ATG7: variants seen among roughly 807,000 people sequenced by gnomAD.
ATG7 encodes autophagy related 7, also known as ubiquitin-like modifier-activating enzyme ATG7.
ATG7 carries 70 observed loss-of-function variants against 82.4 expected under a neutral mutation model. The ratio of observed to expected loss-of-function variants is 0.85; its 90% CI spans 0.70 to 1.04. The LOEUF is 1.04. Among genes scored for constraint, ATG7 ranks in the 50% least tolerant of loss-of-function variants. The pLI is 0.00. For missense variants in ATG7, 792 were observed against 864.3 expected, an observed-to-expected ratio of 0.92 and a Z score of 1.05; for synonymous variants, 287 against 313.0, an observed-to-expected ratio of 0.92 and a Z score of 0.88.
At chr3:11,301,010 G>A (rs1360637225) in intron 5 of ATG7, among the ~76,000 whole-genome samples, 1 of 152,114 alleles carries the variant, frequency 6.6e-6, no homozygotes, top group Non-Finnish European at 1.5e-5. Flanking sequence ...TATAGTATAA[G>A]AACAAAAGGC....
chr3:11,402,771 A>G (rs573213558), intron 19 of ATG7, among the ~76,000 whole-genome samples: 1 of 152,352 alleles, frequency 6.6e-6, no homozygotes, highest in Non-Finnish European at 1.5e-5. Context: ...TTATATTAAT[A>G]TAACACATTT....
intron 20 of ATG7, among the ~76,000 whole-genome samples, chr3:11,471,745 C>CTTTTTT (rs200590021): frequency 0.43 from 45,129 of 104,836 alleles, 11,343 homozygotes; most frequent in Non-Finnish European, 0.5. Flanking sequence ...TTTTAGATTT[C>CTTTTTT]TTTTTTTTTT....
chr3:11,574,779 C>CTGTGTGTGTGTG, the ATG7 span, among the ~76,000 whole-genome samples: 4 of 121,792 alleles, frequency 3.3e-5, no homozygotes, highest in African/African-American at 1.2e-4. Context: ...GTCAATTCAA[C>CTGTGTGTGTGTG]TATATATGTG....
At chr3:11,298,356 T>C (rs139272619) in intron 3 of ATG7, among the ~76,000 whole-genome samples, 2 of 152,272 alleles carry the variant, frequency 1.3e-5, no homozygotes, top group African/African-American at 4.8e-5. Flanking sequence ...GAATGGTGGG[T>C]GCAAGGTCCT....
intron 19 of ATG7, among the ~76,000 whole-genome samples, chr3:11,391,990 G>C (rs982960948): frequency 6.7e-6 from 1 of 149,966 alleles, no homozygotes; most frequent in Admixed American, 6.7e-5. Context: ...TAAATTTTTA[G>C]CAGCTTCGAG....
intron 9 of ATG7, among the ~76,000 whole-genome samples, chr3:11,328,284 G>A (rs1951155869): frequency 6.6e-6 from 1 of 152,156 alleles, no homozygotes; most frequent in African/African-American, 2.4e-5. Flanking sequence ...TTAAACTGTG[G>A]CTTGGAGGGT....
chr3:11,528,186 T>C (rs1414449865), intron 20 of ATG7, among the ~76,000 whole-genome samples: 1 of 152,246 alleles, frequency 6.6e-6, no homozygotes, highest in Non-Finnish European at 1.5e-5. Flanking sequence ...CAAGGTTTTC[T>C]GCACTGAATC....
downstream of ATG7, chr3:11,558,721 G>A (rs780751208): frequency 2.7e-5 from 43 of 1,614,042 alleles, no homozygotes; most frequent in Admixed American, 5.0e-5. Flanking sequence ...GGTCGTCCAC[G>A]GAGCCCGTGA....
At position 11,312,913 on chromosome 3, in the gene ATG7, T is replaced by C. The variant is rs192693982; in HGVS notation, c.412-391T>C. Among the ~76,000 whole-genome samples, 20 of 152,310 alleles carry C rather than the reference T, an allele frequency of 1.3e-4. No individual in the cohort carries two copies. In the East Asian group the frequency reaches 2.9e-3, roughly 22 times the overall value. On this transcript the variant is annotated intron_variant, in intron 7 of 20. Coordinates refer to ENST00000693202, the MANE Select transcript of ATG7 (RefSeq NM_001349232.2). ...CTGCCCCTTGCCATCTTTTTTGTTG[T>C]TGTTTAGGTTTTTTACCCCTTTGTA...
At chr3:11,338,642 C>T (rs529376736) in intron 11 of ATG7, among the ~76,000 whole-genome samples, 4 of 152,248 alleles carry the variant, frequency 2.6e-5, no homozygotes, top group Non-Finnish European at 4.4e-5. Flanking sequence ...TAGCAAGACC[C>T]TGTCTCAAAC....
chr3:11,551,992 A>G (rs559874858), intron 20 of ATG7, among the ~76,000 whole-genome samples: 2 of 151,792 alleles, frequency 1.3e-5, no homozygotes, highest in South Asian at 4.2e-4. Context: ...CAAGTGATCC[A>G]CCCGCCTTGG....
intron 5 of ATG7, among the ~76,000 whole-genome samples, chr3:11,305,219 TG>T (rs1947525497): frequency 6.6e-6 from 1 of 152,254 alleles, no homozygotes; most frequent in Non-Finnish European, 1.5e-5. Context: ...CCACCTCCCA[TG>T]GTGGAACTTT....
intron 11 of ATG7, among the ~76,000 whole-genome samples, chr3:11,337,815 T>C (rs1350645351): frequency 1.3e-5 from 2 of 152,102 alleles, no homozygotes; most frequent in Non-Finnish European, 2.9e-5. Context: ...TATAGAGAAC[T>C]TTTAATTTGA....
At chr3:11,551,596 A>T (rs936139766) in intron 20 of ATG7, among the ~76,000 whole-genome samples, 3 of 151,930 alleles carry the variant, frequency 2.0e-5, no homozygotes, top group Non-Finnish European at 2.9e-5. Context: ...AATTTTTTTT[A>T]AAGTTTTTAT....
intron 20 of ATG7, among the ~76,000 whole-genome samples, chr3:11,493,608 C>A (rs138080716): frequency 3.9e-5 from 6 of 152,060 alleles, no homozygotes; most frequent in African/African-American, 1.4e-4. Context: ...TGATGCTAAA[C>A]CAGGATGAGT....
chr3:11,354,034 T>G (rs1489735195), intron 14 of ATG7, among the ~76,000 whole-genome samples: 4 of 152,204 alleles, frequency 2.6e-5, no homozygotes, highest in African/African-American at 9.7e-5. Flanking sequence ...CTAGAGAGTT[T>G]GACATTTGTT....
chr3:11,526,423 G>A (rs1279578057), intron 20 of ATG7, among the ~76,000 whole-genome samples: 1 of 151,964 alleles, frequency 6.6e-6, no homozygotes, highest in Non-Finnish European at 1.5e-5. Flanking sequence ...CAGACAACAA[G>A]AAACATAATC....
chr3:11,445,422 C>T (rs996954585), intron 20 of ATG7, among the ~76,000 whole-genome samples: 7 of 152,154 alleles, frequency 4.6e-5, no homozygotes, highest in Admixed American at 3.9e-4. Flanking sequence ...CTTACAAACT[C>T]ATCGAGGAGC....
the ATG7 span, among the ~76,000 whole-genome samples, chr3:11,576,288 A>G: frequency 6.6e-6 from 1 of 152,230 alleles, no homozygotes; most frequent in Non-Finnish European, 1.5e-5. Context: ...TGTGTCCCAC[A>G]TTAGAGTTTT....
Sources: gnomAD v4.1 joint callset for allele counts (sites outside exome capture counted in the v4.1 genomes callset) on GRCh38, gnomAD v4.1.1 for gene constraint, MANE v1.5 for transcripts, NCBI Gene and HGNC (gene_info 2026-07-23, HGNC 2026-07-21) for gene names.